The following NCAPH variants were observed in gnomAD, a reference collection of about 807,000 sequenced individuals.
NCAPH encodes non-SMC condensin I complex subunit H.
In NCAPH, 38 loss-of-function variants were observed where a neutral mutation model predicts 85.5. That is an observed-to-expected ratio of 0.44 (90% CI 0.34 to 0.58). The LOEUF is 0.58. Among genes scored for constraint, NCAPH ranks in the 20% least tolerant of loss-of-function variants. The pLI is 0.01. For synonymous variants in NCAPH, 301 were observed against 335.1 expected, an observed-to-expected ratio of 0.90 and a Z score of 1.11; for missense variants, 789 against 916.6, an observed-to-expected ratio of 0.86 and a Z score of 1.80.
rs770262566 is a variant in NCAPH, at chr2:96,353,340, C to G, written c.945C>G (p.Ile315Met). Residue 315 changes from isoleucine (I) to methionine (M), a missense_variant, in exon 8 of 18, where the codon ATC becomes ATG. Physicochemically the swap from Ile to Met is conservative, Grantham distance 10. Coordinates refer to ENST00000240423, the MANE Select transcript of NCAPH (RefSeq NM_015341.5). ...PLQQCAEDRQICPSLAGFQFT... is the reference protein window; with the variant it reads ...PLQQCAEDRQMCPSLAGFQFT... ...AGCAGTGTGCAGAAGATCGCCAGAT[C>G]TGCCCTTCCCTGGCCGGGTTCCAGT... 1.7e-5 allele frequency: 28 copies of G among 1,614,132 alleles called. No individual in the cohort carries two copies. The highest frequency in any genetic ancestry group is 2.2e-5 in the Non-Finnish European group (26 of 1,180,050).
Position 96,344,255 on chromosome 2 carries a change from T to G in NCAPH, c.720+26T>G, listed in dbSNP as rs777731201. 1.1e-5 allele frequency: 17 copies of G among 1,583,138 alleles called. No homozygotes were observed. In the African/African-American group the frequency reaches 1.5e-4, roughly 14 times the overall value. ...GTGAGGAACTGTATGCGCAGTGTGG[T>G]TTCTGACTAATTCAGAACCTTAGGG... On this transcript the variant is annotated intron_variant, in intron 6 of 17. Transcript: ENST00000240423.
intron 6 of NCAPH, among the ~76,000 whole-genome samples, chr2:96,349,738 A>T (rs972483503): frequency 5.3e-5 from 8 of 152,208 alleles, no homozygotes; most frequent in African/African-American, 1.9e-4. Context: ...ACTTCTTTAT[A>T]TATGAGCCGA....
At chr2:96,357,644 C>T (rs1025113827) in intron 9 of NCAPH, among the ~76,000 whole-genome samples, 4 of 152,172 alleles carry the variant, frequency 2.6e-5, no homozygotes, top group African/African-American at 7.2e-5. Context: ...GATTCTGTTA[C>T]AGCACTAGGC....
intron 13 of NCAPH, among the ~76,000 whole-genome samples, 156 bp downstream of exon 13, chr2:96,364,747 GGAGCT>G (rs1172970617): frequency 6.6e-6 from 1 of 152,132 alleles, no homozygotes; most frequent in East Asian, 1.9e-4. Flanking sequence ...CCCAGTGCAG[GGAGCT>G]GAGCAGAGTC....
At position 96,359,059 on chromosome 2, in the gene NCAPH, C is replaced by T. The variant is rs781184446; in HGVS notation, c.1223C>T (p.Ser408Phe). Reference sequence around the variant, plus strand: ...GTGTGTTACAGGGAAGAAATGATTTCCCTTGGGGATGGAGACATCAGGACC... The same window carrying T: ...GTGTGTTACAGGGAAGAAATGATTTTCCTTGGGGATGGAGACATCAGGACC... ...QVQSCQEEMISLGDGDIRTMC... is the reference protein window; with the variant it reads ...QVQSCQEEMIFLGDGDIRTMC... Residue 408 changes from serine to phenylalanine, a missense_variant, in exon 10 of 18, where the codon TCC becomes TTC. Physicochemically the swap from Ser to Phe is radical, Grantham distance 155. Transcript: ENST00000240423. 1.9e-6 allele frequency: 3 copies of T among 1,613,876 alleles called. No individual in the cohort carries two copies. Among genetic ancestry groups the T allele is most frequent in the Admixed American group, 1.7e-5 (1 of 59,982 alleles).
At position 96,354,376 on chromosome 2, in the gene NCAPH, T is replaced by C. The variant is rs991608526; in HGVS notation, c.1196T>C (p.Val399Ala). The C allele has an allele frequency of 1.9e-6, 3 of 1,590,992 alleles. No homozygotes were observed. Among genetic ancestry groups the C allele is most frequent in the Non-Finnish European group, 2.6e-6 (3 of 1,166,488 alleles). The change falls in exon 9 of 18, where the codon GTT (valine) becomes GCT (alanine). Residue 399 changes from valine (V) to alanine (A), a missense_variant. By Grantham distance (64) the Val-to-Ala change is moderately conservative. Coordinates refer to ENST00000240423, the MANE Select transcript of NCAPH (RefSeq NM_015341.5). ...EFRSWKEPCQ[V>A]QSCQEEMISL... ...AGGAGCTGGAAGGAGCCCTGCCAGG[T>C]TCAGAGCTGCCAGTAAGGCTCTCAG... is the stretch of plus-strand genomic sequence containing the variant.
At chr2:96,371,644 T>A (rs903007464) in intron 17 of NCAPH, among the ~76,000 whole-genome samples, 1 of 152,176 alleles carries the variant, frequency 6.6e-6, no homozygotes, top group Non-Finnish European at 1.5e-5. Flanking sequence ...GGTGGGTGGC[T>A]ACAGCCCATG....
At chr2:96,370,147 T>C (rs544471739) in intron 17 of NCAPH, among the ~76,000 whole-genome samples, 21 of 152,186 alleles carry the variant, frequency 1.4e-4, no homozygotes, top group Admixed American at 1.2e-3. Flanking sequence ...AGCCCACACA[T>C]TTGAGCATCA....
intron 16 of NCAPH, 43 bp from the exon 17 acceptor site, chr2:96,369,382 T>A (rs1467422104): frequency 6.5e-7 from 1 of 1,534,474 alleles, no homozygotes; most frequent in Non-Finnish European, 9.0e-7. Context: ...GCTTTTGTTC[T>A]AACAGTTGGC....
chr2:96,352,002 G>C lies in NCAPH; in HGVS notation c.892G>C (p.Glu298Gln), dbSNP rs760020431. 3.7e-6 allele frequency: 6 copies of C among 1,610,868 alleles called. No homozygotes were observed. In the South Asian group the frequency reaches 6.6e-5, roughly 18 times the overall value. The change falls in exon 7 of 18, where the codon GAA becomes CAA. Residue 298 changes from glutamate to glutamine, a missense_variant. Coordinates refer to ENST00000240423, the MANE Select transcript of NCAPH (RefSeq NM_015341.5). ...PLELPELGCV[E>Q]MTDLKAPLQQ... Reference sequence around the variant, plus strand: ...CGAGTTGCCAGAGTTAGGTTGTGTAGAAATGACAGATTTAAAAGGTAAGTA... The same window carrying C: ...CGAGTTGCCAGAGTTAGGTTGTGTACAAATGACAGATTTAAAAGGTAAGTA...
intron 6 of NCAPH, among the ~76,000 whole-genome samples, chr2:96,347,365 G>A (rs886911547): frequency 6.6e-6 from 1 of 151,528 alleles, no homozygotes; most frequent in Non-Finnish European, 1.5e-5. Flanking sequence ...GAAATACTAA[G>A]GAATAAGATT....
intron 1 of NCAPH, among the ~76,000 whole-genome samples, chr2:96,340,460 G>A (rs537152387): frequency 7.3e-6 from 1 of 137,840 alleles, no homozygotes; most frequent in African/African-American, 2.7e-5. Flanking sequence ...GCACAGTCTT[G>A]GCTCAGTGCA....
chr2:96,344,151 AAAG>A lies in NCAPH; in HGVS notation c.649_651del (p.Lys217del), dbSNP rs1573067356. ...GAACAACCAAAAAGGCTGTAAAGCCAAAGAAGAAGCACTTACACAGAACTATTG... is the reference window on the plus strand; with the variant it reads ...GAACAACCAAAAAGGCTGTAAAGCCAAAGAAGCACTTACACAGAACTATTG... On this transcript the variant is annotated inframe_deletion, in exon 6 of 18. Transcript: ENST00000240423. 6.2e-7 allele frequency: 1 copy of A among 1,613,726 alleles called. No homozygotes were observed. Among genetic ancestry groups the A allele is most frequent in the Non-Finnish European group, 8.5e-7 (1 of 1,179,936 alleles).
chr2:96,354,564 ATCC>A (rs1391868103), intron 9 of NCAPH, among the ~76,000 whole-genome samples, 176 bp downstream of exon 9: 4 of 151,910 alleles, frequency 2.6e-5, no homozygotes, highest in Non-Finnish European at 5.9e-5. Context: ...GGCTCAAGCA[ATCC>A]TCCTGCTTTG....
At chr2:96,353,152 T>C (rs1173714529) in intron 7 of NCAPH, among the ~76,000 whole-genome samples, 154 bp from the exon 8 acceptor site, 2 of 152,230 alleles carry the variant, frequency 1.3e-5, no homozygotes, top group Non-Finnish European at 2.9e-5. Context: ...GACTGGCAGC[T>C]AGCCAGCCAC....
intron 8 of NCAPH, among the ~76,000 whole-genome samples, chr2:96,353,805 T>C (rs1441043282): frequency 2.0e-5 from 3 of 152,202 alleles, no homozygotes; most frequent in Non-Finnish European, 4.4e-5. Context: ...GAAATTGTCA[T>C]GTGTAGAGCT....
intron 12 of NCAPH, among the ~76,000 whole-genome samples, chr2:96,361,832 T>A (rs188144324): frequency 0.17 from 20,964 of 122,140 alleles, 1,968 homozygotes; most frequent in South Asian, 0.45. Flanking sequence ...ATATATATTT[T>A]TTTTTTTTTT....
In NCAPH at chr2:96,360,953, A is replaced by G. The variant is rs542781529; in HGVS notation, c.1587+243A>G. ...AAGAATGCTGGATACTGAAGCCTCC[A>G]TGCTGAAATTCAGGGGGGCAGTGAG... On this transcript the variant is annotated intron_variant, in intron 12 of 17. Transcript: ENST00000240423. Among the ~76,000 whole-genome samples the G allele has an allele frequency of 4.6e-5, 7 of 151,764 alleles. No individual in the cohort carries two copies. In the South Asian group the frequency reaches 1.5e-3, roughly 32 times the overall value.
intron 12 of NCAPH, among the ~76,000 whole-genome samples, chr2:96,361,639 C>G (rs2064610927): frequency 6.6e-6 from 1 of 151,454 alleles, no homozygotes; most frequent in African/African-American, 2.4e-5. Context: ...GTAAACCATT[C>G]CATTCACATC....
Sources: gnomAD v4.1 joint callset for allele counts (sites outside exome capture counted in the v4.1 genomes callset) on GRCh38, gnomAD v4.1.1 for gene constraint, MANE v1.5 for transcripts, NCBI Gene and HGNC (gene_info 2026-07-23, HGNC 2026-07-21) for gene names.